C9orf72: variants seen among roughly 807,000 people sequenced by gnomAD.
The protein encoded by C9orf72 is guanine nucleotide exchange factor C9orf72.
A neutral mutation model predicts 51.6 loss-of-function variants in C9orf72; 44 were observed. The ratio of observed to expected loss-of-function variants is 0.85; its 90% CI spans 0.67 to 1.10. The LOEUF (loss-of-function observed/expected upper bound fraction) is 1.10, where lower values mean the gene tolerates loss of function less well. C9orf72 is among the 50% of genes least tolerant of loss of function. C9orf72 has a pLI of 0.00. For missense variants in C9orf72, 607 were observed against 570.6 expected (o/e 1.06, Z -0.65); for synonymous variants, 213 against 194.2 (o/e 1.10, Z -0.81).
intron 1 of C9orf72, among the ~76,000 whole-genome samples, chr9:27,570,486 T>G (rs1218667879): frequency 6.6e-6 from 1 of 152,078 alleles, no homozygotes; most frequent in Non-Finnish European, 1.5e-5. Flanking sequence ...GAGCAAAATC[T>G]GATTGAATTA....
At chr9:27,550,040 A>T (rs933523637) in intron 9 of C9orf72, among the ~76,000 whole-genome samples, 36 of 150,666 alleles carry the variant, frequency 2.4e-4, no homozygotes, top group African/African-American at 8.5e-4. Flanking sequence ...TCTATCATAG[A>T]GTATATGTTA....
In C9orf72 at chr9:27,566,829, T is replaced by C. The variant is rs1208368236; in HGVS notation, c.292A>G (p.Ile98Val). 16 of 1,613,872 alleles carry C rather than the reference T, an allele frequency of 9.9e-6. No individual in the cohort carries two copies. Among genetic ancestry groups the C allele is most frequent in the African/African-American group, 1.3e-5 (1 of 74,916 alleles). Reference sequence around the variant, plus strand: ...TCCCCATTCCAGTTTCCATCAAAGATTAATGAAACAATAATCACTCCCTTT... The same window carrying C: ...TCCCCATTCCAGTTTCCATCAAAGACTAATGAAACAATAATCACTCCCTTT... ...SEKGVIIVSL[I>V]FDGNWNGDRS... Residue 98 changes from isoleucine to valine, a missense_variant, in exon 2 of 11, where the codon ATC (isoleucine) becomes GTC (valine). Transcript: ENST00000380003.
chr9:27,559,431 T>C (rs1040173743), intron 6 of C9orf72: 2 of 152,054 alleles, frequency 1.3e-5, no homozygotes, highest in Non-Finnish European at 2.9e-5. Context: ...TGCAATATAA[T>C]GACACAGGTA....
At chr9:27,564,715 GT>G (rs1462855652) in intron 3 of C9orf72, among the ~76,000 whole-genome samples, 2 of 151,352 alleles carry the variant, frequency 1.3e-5, no homozygotes. Context: ...AGTATCATCT[GT>G]CTCATTCATG....
Position 27,571,869 on chromosome 9 carries a change from A to G in C9orf72, c.-45+1562T>C, listed in dbSNP as rs941678427. On this transcript the variant is annotated intron_variant, in intron 1 of 10. Coordinates refer to ENST00000380003, the MANE Select transcript of C9orf72 (RefSeq NM_018325.5). The stretch of plus-strand genomic sequence containing the variant: ...CCCAGGACCACTTCAAGGACAGTGA[A>G]CTGTTTACAGTACCAGAAAGTTCAC... Among the ~76,000 whole-genome samples, 3 of 152,178 alleles carry G rather than the reference A, an allele frequency of 2.0e-5. No individual in the cohort carries two copies. The East Asian group carries it at 5.8e-4, about 29-fold the overall frequency.
At chr9:27,562,664 A>G (rs1819378913) in intron 3 of C9orf72, among the ~76,000 whole-genome samples, 188 bp from the exon 4 acceptor site, 1 of 149,352 alleles carries the variant, frequency 6.7e-6, no homozygotes, top group Non-Finnish European at 1.5e-5. Flanking sequence ...GCTCACTTTT[A>G]TTCTTTCTTT....
rs781214485 is a variant in C9orf72, at chr9:27,560,262, C to T, written c.703G>A (p.Val235Ile). ...SSHLQTCGCS[V>I]VVGSSAEKVN... Reference sequence around the variant, plus strand: ...TTCTCTGCACTGCTACCTACTACAACGGAACAGCCACAGGTTTGCAAGTGT... The same window carrying T: ...TTCTCTGCACTGCTACCTACTACAATGGAACAGCCACAGGTTTGCAAGTGT... The change falls in exon 6 of 11, where the codon GTT (valine) becomes ATT (isoleucine). Residue 235 changes from valine (V) to isoleucine (I), a missense_variant. Transcript: ENST00000380003. 2.4e-5 allele frequency: 38 copies of T among 1,610,072 alleles called. No homozygotes were observed. The East Asian group carries it at 3.1e-4, about 13-fold the overall frequency.
rs189384692 is a variant in C9orf72, at chr9:27,567,681, G to C, written c.-44-517C>G. Among the ~76,000 whole-genome samples the C allele has an allele frequency of 1.7e-4, 26 of 152,250 alleles. No homozygotes were observed. The East Asian group carries it at 4.1e-3, about 24-fold the overall frequency. ...GTGTACGTGAATGTGACCTTATCTA[G>C]AAATAAGTGTAATCATGTTAAAATG... On this transcript the variant is annotated intron_variant, in intron 1 of 10. Coordinates refer to ENST00000380003, the MANE Select transcript of C9orf72 (RefSeq NM_018325.5).
chr9:27,560,734 G>C, intron 5 of C9orf72: 1 of 985,932 alleles, frequency 1.0e-6, no homozygotes, highest in Non-Finnish European at 1.2e-6. Context: ...TCATGCCTCT[G>C]ATACTCCATC....
chr9:27,553,815 G>A (rs1209858936), intron 8 of C9orf72, among the ~76,000 whole-genome samples: 1 of 152,134 alleles, frequency 6.6e-6, no homozygotes, highest in African/African-American at 2.4e-5. Flanking sequence ...AAAGGGATAT[G>A]CAGAATCTGG....
At chr9:27,568,612 T>C (rs1389031454) in intron 1 of C9orf72, among the ~76,000 whole-genome samples, 1 of 152,224 alleles carries the variant, frequency 6.6e-6, no homozygotes, top group Admixed American at 6.5e-5. Flanking sequence ...GTAGACTGCA[T>C]ATATGATGGT....
chr9:27,554,052 TA>T (rs1820961295), intron 8 of C9orf72, among the ~76,000 whole-genome samples: 2 of 152,172 alleles, frequency 1.3e-5, no homozygotes, highest in Non-Finnish European at 2.9e-5. Context: ...AGGGAACACT[TA>T]TACACTGCTG....
chr9:27,564,624 T>C (rs530928097), intron 3 of C9orf72, among the ~76,000 whole-genome samples: 1 of 152,212 alleles, frequency 6.6e-6, no homozygotes, highest in East Asian at 1.9e-4. Flanking sequence ...ACATAACAAT[T>C]TGGTAAAGGA....
At chr9:27,569,435 A>G (rs920897231) in intron 1 of C9orf72, among the ~76,000 whole-genome samples, 2 of 152,190 alleles carry the variant, frequency 1.3e-5, no homozygotes, top group Non-Finnish European at 2.9e-5. Flanking sequence ...ATTATCTTTT[A>G]TACCATACTT....
chr9:27,565,180 A>C (rs1819437079), intron 3 of C9orf72, among the ~76,000 whole-genome samples: 1 of 152,148 alleles, frequency 6.6e-6, no homozygotes, highest in Non-Finnish European at 1.5e-5. Flanking sequence ...TCCTTCTGTT[A>C]CAGCTACTTC....
At chr9:27,550,035 CAT>C (rs1464123509) in intron 9 of C9orf72, among the ~76,000 whole-genome samples, 1 of 150,302 alleles carries the variant, frequency 6.7e-6, no homozygotes, top group Non-Finnish European at 1.5e-5. Flanking sequence ...TACACTCTAT[CAT>C]AGAGTATATG....
intron 8 of C9orf72, among the ~76,000 whole-genome samples, chr9:27,552,136 C>T (rs1401379099): frequency 6.6e-6 from 1 of 152,176 alleles, no homozygotes; most frequent in Non-Finnish European, 1.5e-5. Flanking sequence ...GAATGTCTTT[C>T]TTTCTTTCTC....
intron 1 of C9orf72, among the ~76,000 whole-genome samples, chr9:27,572,006 T>C (rs1225386392): frequency 6.6e-6 from 1 of 152,186 alleles, no homozygotes; most frequent in African/African-American, 2.4e-5. Context: ...GCTAACCTAG[T>C]CCTCCTGGGA....
intron 1 of C9orf72, among the ~76,000 whole-genome samples, 190 bp downstream of exon 1, chr9:27,573,241 C>G (rs1819629798): frequency 6.6e-6 from 1 of 152,020 alleles, no homozygotes; most frequent in Admixed American, 6.5e-5. Context: ...GCCGGGAAGC[C>G]CGGGGCCCGG....
Sources: allele counts gnomAD v4.1 joint callset (sites outside exome capture counted in the v4.1 genomes callset), GRCh38; gene constraint gnomAD v4.1.1; transcripts MANE v1.5; gene names NCBI Gene and HGNC (gene_info 2026-07-23, HGNC 2026-07-21).